Variants in GRIK1 observed in about 807,000 individuals in gnomAD.
GRIK1 encodes glutamate receptor ionotropic, kainate 1.
In GRIK1, 69 loss-of-function variants were observed where a neutral mutation model predicts 105.7. The observed-to-expected ratio is 0.65, with a 90% CI of 0.54 to 0.80. The LOEUF is 0.80. Ranked by LOEUF, GRIK1 falls within the 30% of genes least tolerant of loss-of-function variation. The pLI is 0.00. For missense variants in GRIK1, 1,109 were observed against 1,167.3 expected, an observed-to-expected ratio of 0.95 and a Z score of 0.73; for synonymous variants, 438 against 431.3, an observed-to-expected ratio of 1.02 and a Z score of -0.19.
chr21:29,724,884 T>C (rs1056590160), intron 1 of GRIK1, among the ~76,000 whole-genome samples: 1 of 152,134 alleles, frequency 6.6e-6, no homozygotes. Context: ...CTTCCTTTTC[T>C]TGGAGGTCAT....
At chr21:29,770,897 A>T (rs1023036213) in intron 1 of GRIK1, among the ~76,000 whole-genome samples, 2 of 152,236 alleles carry the variant, frequency 1.3e-5, no homozygotes, top group African/African-American at 4.8e-5. Context: ...TCAGTATGAA[A>T]CAGAAAACAG....
At chr21:29,935,743 T>C (rs2071726018) in intron 1 of GRIK1, among the ~76,000 whole-genome samples, 1 of 152,130 alleles carries the variant, frequency 6.6e-6, no homozygotes, top group Non-Finnish European at 1.5e-5. Context: ...CCATATTTAT[T>C]TGGTGGTTTT....
chr21:29,652,900 T>C (rs1215698838), intron 5 of GRIK1, among the ~76,000 whole-genome samples: 1 of 152,246 alleles, frequency 6.6e-6, no homozygotes, highest in Non-Finnish European at 1.5e-5. Flanking sequence ...ATTCTTTTGA[T>C]GAACTCTCTC....
intron 1 of GRIK1, among the ~76,000 whole-genome samples, chr21:29,914,502 C>T (rs2070927046): frequency 6.6e-6 from 1 of 152,076 alleles, no homozygotes; most frequent in South Asian, 2.1e-4. Context: ...TCAGCAATGC[C>T]AACTTCAAGC....
At chr21:29,589,480 G>A (rs866008016) in intron 10 of GRIK1, among the ~76,000 whole-genome samples, 1 of 150,902 alleles carries the variant, frequency 6.6e-6, no homozygotes, top group Non-Finnish European at 1.5e-5. Flanking sequence ...GGAGTGCAGT[G>A]GGGAGATCTC....
chr21:29,702,647 G>A (rs953065807), intron 1 of GRIK1, among the ~76,000 whole-genome samples: 1 of 152,166 alleles, frequency 6.6e-6, no homozygotes, highest in East Asian at 1.9e-4. Context: ...AGAGGCGGAG[G>A]TTGCAGTGAG....
chr21:29,631,959 A>G (rs916911479), intron 7 of GRIK1, among the ~76,000 whole-genome samples: 3 of 151,614 alleles, frequency 2.0e-5, no homozygotes, highest in Non-Finnish European at 2.9e-5. Context: ...GTAATTAAGT[A>G]ATGAAGCATT....
At chr21:29,549,873 G>A (rs1031189661) in intron 16 of GRIK1, among the ~76,000 whole-genome samples, 2 of 151,846 alleles carry the variant, frequency 1.3e-5, no homozygotes, top group Admixed American at 1.3e-4. Context: ...TTGGGGGGCC[G>A]AGGCGGGTGG....
chr21:29,910,898 A>T (rs2070792120), intron 1 of GRIK1, among the ~76,000 whole-genome samples: 1 of 151,934 alleles, frequency 6.6e-6, no homozygotes, highest in South Asian at 2.1e-4. Flanking sequence ...TACAAGACTG[A>T]CTTCGTTAGT....
intron 1 of GRIK1, among the ~76,000 whole-genome samples, chr21:29,909,758 A>G (rs2070754020): frequency 6.6e-6 from 1 of 152,178 alleles, no homozygotes; most frequent in African/African-American, 2.4e-5. Flanking sequence ...GAAAAATCAC[A>G]TGGGCATTTA....
chr21:29,693,779 C>T, intron 2 of GRIK1, 117 bp downstream of exon 2: 1 of 727,266 alleles, frequency 1.4e-6, no homozygotes, highest in Non-Finnish European at 2.4e-6. Flanking sequence ...CCCAGATTTC[C>T]CGCGACCCAT....
intron 16 of GRIK1, among the ~76,000 whole-genome samples, chr21:29,543,701 A>T (rs2090006660): frequency 6.6e-6 from 1 of 152,142 alleles, no homozygotes. Context: ...GAGAAAGCTG[A>T]TTCTCATCTC....
At chr21:29,922,381 A>T (rs2071221418) in intron 1 of GRIK1, among the ~76,000 whole-genome samples, 1 of 152,270 alleles carries the variant, frequency 6.6e-6, no homozygotes. Context: ...ACTGTTAAAA[A>T]ATAATTTCTG....
chr21:29,839,606 G>A (rs2067917786), intron 1 of GRIK1, among the ~76,000 whole-genome samples: 1 of 152,096 alleles, frequency 6.6e-6, no homozygotes, highest in Non-Finnish European at 1.5e-5. Context: ...AGTAAATTTA[G>A]GTGGAATCAC....
chr21:29,673,023 A>G lies in GRIK1; in HGVS notation c.686T>C (p.Phe229Ser). The stretch of plus-strand genomic sequence containing the variant: ...AGCGGCTGTTTCATGTGAACAATCA[A>G]ATATCACATAGAACTCCTTGCCTTT... ...MKKGKEFYVI[F>S]DCSHETAAEI... The change falls in exon 4 of 18, where the codon TTT (phenylalanine) becomes TCT (serine). Residue 229 changes from phenylalanine (F) to serine (S), a missense_variant. Phe to Ser is a radical substitution (Grantham distance 155, BLOSUM62 -2). This residue lies in a region of GRIK1 where 612 missense variants were observed against 586.0 expected (regional missense o/e 1.04). Transcript: ENST00000327783. 6.2e-7 allele frequency: 1 copy of G among 1,613,458 alleles called. No individual in the cohort carries two copies. The highest frequency in any genetic ancestry group is 2.2e-5 in the East Asian group (1 of 44,870).
chr21:29,847,898 CTT>C (rs752997682), intron 1 of GRIK1, among the ~76,000 whole-genome samples: 54 of 146,740 alleles, frequency 3.7e-4, no homozygotes, highest in African/African-American at 4.9e-4. Flanking sequence ...TTGTTTCTCT[CTT>C]TCTCTCTCTC....
chr21:29,669,113 A>T (rs2063116285), intron 4 of GRIK1, among the ~76,000 whole-genome samples: 1 of 152,294 alleles, frequency 6.6e-6, no homozygotes, highest in East Asian at 1.9e-4. Context: ...AATTTTGGGG[A>T]AATAACTTCT....
intron 4 of GRIK1, among the ~76,000 whole-genome samples, chr21:29,663,591 A>G (rs934967053): frequency 1.3e-5 from 2 of 152,234 alleles, no homozygotes; most frequent in Non-Finnish European, 2.9e-5. Context: ...AAAGAACTTT[A>G]ATCTCCTTAA....
intron 9 of GRIK1, among the ~76,000 whole-genome samples, chr21:29,593,982 C>T (rs1229699133): frequency 1.3e-5 from 2 of 152,184 alleles, no homozygotes; most frequent in African/African-American, 4.8e-5. Context: ...TTTAAACTTT[C>T]CTTCTTAAAA....
Sources: allele counts gnomAD v4.1 joint callset (sites outside exome capture counted in the v4.1 genomes callset), GRCh38; gene constraint gnomAD v4.1.1; regional missense constraint gnomAD v4.1.1; transcripts MANE v1.5; gene names NCBI Gene and HGNC (gene_info 2026-07-23, HGNC 2026-07-21).